Variants in NUDC observed in about 807,000 individuals in gnomAD.
NUDC encodes nuclear distribution C, dynein complex regulator, also known as nuclear migration protein nudC.
A neutral mutation model predicts 45.0 loss-of-function variants in NUDC; 14 were observed. That is an observed-to-expected ratio of 0.31 (90% CI 0.21 to 0.49). The LOEUF is 0.49. NUDC is among the 20% of genes least tolerant of loss of function. The pLI is 0.99. For synonymous variants in NUDC, 153 were observed against 156.7 expected, an observed-to-expected ratio of 0.98 and a Z score of 0.17; for missense variants, 323 against 426.2, an observed-to-expected ratio of 0.76 and a Z score of 2.13.
rs530097514 is a variant in NUDC at position 26,941,225 on chromosome 1, G to A, written c.160-232G>A. Among the ~76,000 whole-genome samples the A allele has an allele frequency of 9.2e-5, 14 of 151,564 alleles. No homozygotes were observed. The East Asian group carries it at 2.7e-3, about 29-fold the overall frequency. On this transcript the variant is annotated intron_variant, in intron 2 of 8. Transcript: ENST00000321265. The stretch of plus-strand genomic sequence containing the variant: ...ATTACAGGTGTGAGCCAGCGCGCCC[G>A]GCCAAGCATCACTTTTTAAAACAGC...
intron 2 of NUDC, among the ~76,000 whole-genome samples, chr1:26,907,397 A>T (rs545377859): frequency 1.3e-5 from 2 of 152,278 alleles, no homozygotes; most frequent in African/African-American, 4.8e-5. Context: ...ATGTTTCATG[A>T]GAGTAAGAAA....
chr1:26,911,625 G>A (rs915141695), intron 3 of NUDC: 3 of 590,676 alleles, frequency 5.1e-6, no homozygotes, highest in Non-Finnish European at 9.2e-6. Flanking sequence ...CCCAGAGGCT[G>A]TGGGGACCAC....
chr1:26,915,000 TATATG>T, intron 3 of NUDC, among the ~76,000 whole-genome samples: 1 of 147,610 alleles, frequency 6.8e-6, no homozygotes. Context: ...TATGTATATG[TATATG>T]TATATGTATA....
intron 1 of NUDC, among the ~76,000 whole-genome samples, chr1:26,922,984 C>G (rs2082103336): frequency 6.6e-6 from 1 of 152,182 alleles, no homozygotes; most frequent in African/African-American, 2.4e-5. Context: ...GAACGGAAAC[C>G]ATTGAGATAT....
At chr1:26,912,793 C>T (rs1367846383) in intron 3 of NUDC, among the ~76,000 whole-genome samples, 1 of 152,208 alleles carries the variant, frequency 6.6e-6, no homozygotes, top group African/African-American at 2.4e-5. Flanking sequence ...GACTGAGACA[C>T]AGCTGTGTCT....
chr1:26,921,920 C>T lies in NUDC; in HGVS notation c.72C>T (p.Gly24=), dbSNP rs145443892. 1.9e-6 allele frequency: 3 copies of T among 1,552,308 alleles called. No individual in the cohort carries two copies. Among genetic ancestry groups the T allele is most frequent in the Non-Finnish European group, 2.6e-6 (3 of 1,147,576 alleles). ...CCATGGCTCAGCAGCACGAGGGCGG[C>T]GTGCAGGAGGTAACGGCCCGCGCGG... ...LLAMAQQHEG[G]VQELVNTFFS... The change falls in exon 1 of 9, where the codon GGC becomes GGT. Residue 24 remains glycine, a synonymous_variant. Coordinates refer to ENST00000321265, the MANE Select transcript of NUDC (RefSeq NM_006600.4).
rs2082319191 is a variant in NUDC at position 26,946,567 on chromosome 1, C to T, written c.*386C>T. 6.3e-6 allele frequency: 2 copies of T among 318,906 alleles called. No homozygotes were observed. Among genetic ancestry groups the T allele is most frequent in the Non-Finnish European group, 1.2e-5 (2 of 163,482 alleles). The allele number at this position is 318,906 out of a possible 1,614,324, so 19.8% of individuals were successfully genotyped here. On this transcript the variant is annotated 3_prime_UTR_variant, in exon 9 of 9. Transcript: ENST00000321265. Reference sequence around the variant, plus strand: ...TCATTACTTAAAGATTAAAACAAGGCTTGGCCGGGTGTGATGGTTCATGTC... The same window carrying T: ...TCATTACTTAAAGATTAAAACAAGGTTTGGCCGGGTGTGATGGTTCATGTC...
chr1:26,938,536 T>G (rs1259933877), intron 2 of NUDC, among the ~76,000 whole-genome samples: 1 of 152,164 alleles, frequency 6.6e-6, no homozygotes, highest in Non-Finnish European at 1.5e-5. Context: ...CAGTTTAATT[T>G]GTGGTTTAGG....
intron 2 of NUDC, among the ~76,000 whole-genome samples, chr1:26,936,351 A>G (rs2082234320): frequency 6.7e-6 from 1 of 149,642 alleles, no homozygotes; most frequent in African/African-American, 2.5e-5. Flanking sequence ...CACCACGCCC[A>G]GCTAATTTTT....
chr1:26,922,030 G>A (rs990691408), intron 1 of NUDC, 101 bp downstream of exon 1: 31 of 1,249,496 alleles, frequency 2.5e-5, no homozygotes, highest in Middle Eastern at 2.0e-4. Context: ...CGGCTCGCGG[G>A]CTTCTGGGAT....
chr1:26,911,748 G>T (rs1055258586), intron 3 of NUDC: 234 of 1,438,756 alleles, frequency 1.6e-4, no homozygotes, highest in East Asian at 1.1e-3. Flanking sequence ...ATACAGGCTT[G>T]CCCCCTCCAG....
intron 3 of NUDC, chr1:26,913,581 C>A: frequency 6.2e-7 from 1 of 1,614,150 alleles, no homozygotes. Context: ...CCAGCAGAAT[C>A]TTCTTGAGTA....
chr1:26,900,358 A>C (rs769589988), exon 1 of NUDC: 2 of 1,614,040 alleles, frequency 1.2e-6, no homozygotes, highest in Non-Finnish European at 1.7e-6. Context: ...TAGCTCCGTA[A>C]ATGGGCCGAG....
chr1:26,917,626 G>A (rs1376930016), upstream of NUDC, among the ~76,000 whole-genome samples: 2 of 151,780 alleles, frequency 1.3e-5, no homozygotes, highest in Non-Finnish European at 2.9e-5. Context: ...GGTGGCTCAC[G>A]CCTGTAATCT....
At chr1:26,940,320 T>C (rs2082266368) in intron 2 of NUDC, among the ~76,000 whole-genome samples, 1 of 151,724 alleles carries the variant, frequency 6.6e-6, no homozygotes. Flanking sequence ...CTACTAAAAA[T>C]ACAAAATTAG....
intron 2 of NUDC, among the ~76,000 whole-genome samples, chr1:26,934,130 C>A (rs1043210363): frequency 6.6e-6 from 1 of 152,044 alleles, no homozygotes; most frequent in Non-Finnish European, 1.5e-5. Context: ...TCCAGCCTGT[C>A]GAGAGAGCGA....
At chr1:26,911,843 G>T (rs1275344534) in intron 3 of NUDC, 2 of 1,614,182 alleles carry the variant, frequency 1.2e-6, no homozygotes, top group Non-Finnish European at 1.7e-6. Context: ...GGCTGGAACA[G>T]GTCACCTGAG....
chr1:26,941,898 A>C, intron 4 of NUDC, 80 bp downstream of exon 4: 3 of 1,360,896 alleles, frequency 2.2e-6, no homozygotes, highest in Non-Finnish European at 3.1e-6. Flanking sequence ...CTTTCTCTGG[A>C]ATACCCTTCC....
upstream of NUDC, among the ~76,000 whole-genome samples, chr1:26,918,305 G>A (rs374884879): frequency 7.2e-6 from 1 of 137,980 alleles, no homozygotes; most frequent in Non-Finnish European, 1.5e-5. Context: ...TTTTTGAGAC[G>A]GAGTCTCACT....
Sources: gnomAD v4.1 joint callset for allele counts (sites outside exome capture counted in the v4.1 genomes callset) on GRCh38, gnomAD v4.1.1 for gene constraint, MANE v1.5 for transcripts, NCBI Gene and HGNC (gene_info 2026-07-23, HGNC 2026-07-21) for gene names.